Variants in ABCC11 observed in about 807,000 individuals in gnomAD.
The protein encoded by ABCC11 is ATP-binding cassette sub-family C member 11.
In ABCC11, 135 loss-of-function variants were observed where a neutral mutation model predicts 149.3. The ratio of observed to expected loss-of-function variants is 0.90; its 90% CI spans 0.79 to 1.04. The LOEUF (loss-of-function observed/expected upper bound fraction) is 1.04, where lower values mean the gene tolerates loss of function less well. Among genes scored for constraint, ABCC11 ranks in the 50% least tolerant of loss-of-function variants. ABCC11 has a pLI of 0.00. For synonymous variants in ABCC11, 665 were observed against 671.4 expected, an observed-to-expected ratio of 0.99 and a Z score of 0.15; for missense variants, 1,680 against 1,722.1, an observed-to-expected ratio of 0.98 and a Z score of 0.43.
At chr16:48,237,374 A>G (rs1384014444) in intron 1 of ABCC11, among the ~76,000 whole-genome samples, 1 of 152,120 alleles carries the variant, frequency 6.6e-6, no homozygotes, top group African/African-American at 2.4e-5. Context: ...ACCTAGGATA[A>G]TCCTTCTCAA....
At chr16:48,192,951 T>C (rs941968895) in intron 19 of ABCC11, among the ~76,000 whole-genome samples, 1 of 152,176 alleles carries the variant, frequency 6.6e-6, no homozygotes, top group Non-Finnish European at 1.5e-5. Context: ...TGGGCCCTTG[T>C]GCACGCTCTG....
intron 5 of ABCC11, 98 bp downstream of exon 5, chr16:48,224,184 A>T: frequency 7.0e-7 from 1 of 1,426,578 alleles, no homozygotes; most frequent in East Asian, 2.3e-5. Context: ...AGACAAATGC[A>T]TCTCTAACTC....
intron 1 of ABCC11, among the ~76,000 whole-genome samples, chr16:48,245,181 C>G (rs60431412): frequency 0.084 from 12,779 of 152,206 alleles, 562 homozygotes; most frequent in Middle Eastern, 0.11. Context: ...TCCTTCTCCC[C>G]CTAATCCTTC....
rs572307316 is a variant in ABCC11, at chr16:48,198,730, A to C, written c.2083-455T>G. Among the ~76,000 whole-genome samples, 25 of 151,862 alleles carry C rather than the reference A, an allele frequency of 1.6e-4. No homozygotes were observed. The South Asian group carries it at 4.6e-3, about 28-fold the overall frequency. ...GTACATTCAGATATTGGAATGCTAT[A>C]CCAAGGAGAATTAAATAAAGTTATA... On this transcript the variant is annotated intron_variant, in intron 15 of 29. Coordinates refer to ENST00000356608, the MANE Select transcript of ABCC11 (RefSeq NM_001370497.1).
At chr16:48,191,896 G>T (rs764219663) in intron 20 of ABCC11, among the ~76,000 whole-genome samples, 31 of 152,074 alleles carry the variant, frequency 2.0e-4, no homozygotes, top group Non-Finnish European at 3.5e-4. Flanking sequence ...GAGTTACTGG[G>T]TGCAGCACAC....
At position 48,214,947 on chromosome 16, in the gene ABCC11, G is replaced by A; in HGVS notation, c.1182C>T (p.Pro394=). Residue 394 remains proline, a synonymous_variant, in exon 9 of 30, where the codon CCC becomes CCT. Transcript: ENST00000356608. The part of the protein sequence containing the change: ...SLTSITLFII[P]TVATAVWVLI... ...GAACCCAGACCGCTGTGGCCACTGTGGGGATGATGAACAAGGTTATACTTG... is the reference window on the plus strand; with the variant it reads ...GAACCCAGACCGCTGTGGCCACTGTAGGGATGATGAACAAGGTTATACTTG... The A allele has an allele frequency of 1.2e-6, 2 of 1,614,138 alleles. No homozygotes were observed. The highest frequency in any genetic ancestry group is 1.7e-6 in the Non-Finnish European group (2 of 1,180,036).
intron 15 of ABCC11, 118 bp downstream of exon 15, chr16:48,200,158 T>C: frequency 9.0e-7 from 1 of 1,115,180 alleles, no homozygotes; most frequent in Non-Finnish European, 1.3e-6. Context: ...TGGAGGAGTC[T>C]AACCTGAGAT....
At position 48,178,657 on chromosome 16, in the gene ABCC11, C is replaced by G. The variant is rs755799711; in HGVS notation, c.3288G>C (p.Arg1096=). ...QLASSFQATA[R]IGLETEAQFT... Reference sequence around the variant, plus strand: ...ACTGTGCCTCTGTCTCCAAGCCAATCCGGGCAGTGGCCTGGAAGCTGGACG... The same window carrying G: ...ACTGTGCCTCTGTCTCCAAGCCAATGCGGGCAGTGGCCTGGAAGCTGGACG... The change falls in exon 24 of 30, where the codon CGG becomes CGC. Residue 1096 remains arginine (R), a synonymous_variant. Coordinates refer to ENST00000356608, the MANE Select transcript of ABCC11 (RefSeq NM_001370497.1). 3 of 1,614,164 alleles carry G rather than the reference C, an allele frequency of 1.9e-6. No individual in the cohort carries two copies. Among genetic ancestry groups the G allele is most frequent in the Non-Finnish European group, 2.5e-6 (3 of 1,180,026 alleles).
In ABCC11 at chr16:48,230,511, C is replaced by T; in HGVS notation, c.162G>A (p.Gly54=). 1 of 1,612,662 alleles carries T rather than the reference C, an allele frequency of 6.2e-7. No homozygotes were observed. The highest frequency in any genetic ancestry group is 8.5e-7 in the Non-Finnish European group (1 of 1,179,328). Residue 54 remains glycine (G), a synonymous_variant, in exon 3 of 30, where the codon GGG becomes GGA. Transcript: ENST00000356608. ...SQQERNPEAP[G]RAAVPPWGKY... is the part of the protein sequence containing the mutation. ...TCCCCCACGGTGGGACAGCTGCCCTCCCTGGAGCCTCAGGATTTCTCTCTT... is the reference window on the plus strand; with the variant it reads ...TCCCCCACGGTGGGACAGCTGCCCTTCCTGGAGCCTCAGGATTTCTCTCTT...
At chr16:48,230,652 A>G in intron 2 of ABCC11, 79 bp from the exon 3 acceptor site, 5 of 1,369,972 alleles carry the variant, frequency 3.6e-6, no homozygotes, top group South Asian at 1.6e-5. Context: ...CCAGCTGCCC[A>G]TGGAGAAATG....
chr16:48,211,294 G>C, intron 10 of ABCC11, 95 bp from the exon 11 acceptor site: 2 of 1,454,622 alleles, frequency 1.4e-6, no homozygotes, highest in Non-Finnish European at 1.9e-6. Flanking sequence ...AGTTGGTATG[G>C]TTTTGTGAAT....
chr16:48,206,121 C>T (rs1968428259), intron 12 of ABCC11, among the ~76,000 whole-genome samples: 1 of 152,150 alleles, frequency 6.6e-6, no homozygotes, highest in African/African-American at 2.4e-5. Context: ...TTGTCCCAGC[C>T]CCATTCCCTG....
At chr16:48,235,461 G>A (rs539821980) in intron 1 of ABCC11, among the ~76,000 whole-genome samples, 4 of 152,264 alleles carry the variant, frequency 2.6e-5, no homozygotes, top group Admixed American at 2.0e-4. Context: ...GAAACCCAAC[G>A]AAAATTAAGA....
At chr16:48,212,376 C>A (rs535657577) in intron 10 of ABCC11, among the ~76,000 whole-genome samples, 2 of 152,248 alleles carry the variant, frequency 1.3e-5, no homozygotes, top group South Asian at 2.1e-4. Context: ...GAAGAACTGT[C>A]TTGGGCCACA....
chr16:48,188,820 C>G (rs1966847153), intron 20 of ABCC11, among the ~76,000 whole-genome samples: 1 of 152,174 alleles, frequency 6.6e-6, no homozygotes, highest in South Asian at 2.1e-4. Context: ...CCTACATTTC[C>G]CCATGTACTT....
rs1276470197 is a variant in ABCC11, at chr16:48,184,722, T to A, written c.3072-96A>T. ...ACCGGCTGCTTCCTCCAGCATCCAG[T>A]TCCCCACTCCCAGCAGCAGGGCCTG... On this transcript the variant is annotated intron_variant, in intron 22 of 29. Coordinates refer to ENST00000356608, the MANE Select transcript of ABCC11 (RefSeq NM_001370497.1). 4 of 1,246,502 alleles carry A rather than the reference T, an allele frequency of 3.2e-6. No homozygotes were observed. In the Admixed American group the frequency reaches 9.0e-5, roughly 28 times the overall value. 77.2% of individuals were successfully genotyped at this position (1,246,502 alleles called of 1,614,324 possible).
intron 6 of ABCC11, 31 bp downstream of exon 6, chr16:48,222,567 T>A: frequency 6.3e-7 from 1 of 1,585,074 alleles, no homozygotes; most frequent in Non-Finnish European, 8.7e-7. Flanking sequence ...TAGGGAAGCA[T>A]GGCCCAGAAT....
In ABCC11 at chr16:48,198,255, C is replaced by G. The variant is rs1354624902; in HGVS notation, c.2103G>C (p.Gln701His). The G allele has an allele frequency of 6.2e-7, 1 of 1,614,206 alleles. No individual in the cohort carries two copies. Residue 701 changes from glutamine (Q) to histidine (H), a missense_variant, in exon 16 of 30, where the codon CAG becomes CAC. Transcript: ENST00000356608. The part of the protein sequence containing the change: ...HQLQYLEFCG[Q>H]IILLENGKIC... ...TTTTCCCATTTTCCAACAAAATGATCTGGCCACAAAATTCTAAGTACTGGA... is the reference window on the plus strand; with the variant it reads ...TTTTCCCATTTTCCAACAAAATGATGTGGCCACAAAATTCTAAGTACTGGA...
At chr16:48,194,006 T>C (rs1323578850) in intron 18 of ABCC11, 24 bp from the exon 19 acceptor site, 4 of 1,564,488 alleles carry the variant, frequency 2.6e-6, no homozygotes, top group Non-Finnish European at 3.5e-6. Context: ...AGTGGTGATG[T>C]ACAAGTGCCA....
Sources: gnomAD v4.1 joint callset for allele counts (sites outside exome capture counted in the v4.1 genomes callset) on GRCh38, gnomAD v4.1.1 for gene constraint, MANE v1.5 for transcripts, NCBI Gene and HGNC (gene_info 2026-07-23, HGNC 2026-07-21) for gene names.